SYT16: variants seen among roughly 807,000 people sequenced by gnomAD.
SYT16 encodes synaptotagmin 16, also known as synaptotagmin-16.
In SYT16, 42 loss-of-function variants were observed where a neutral mutation model predicts 61.4. The ratio of observed to expected loss-of-function variants is 0.68; its 90% CI spans 0.53 to 0.89. The LOEUF is 0.89. Among genes scored for constraint, SYT16 ranks in the 40% least tolerant of loss-of-function variants. SYT16 has a pLI of 0.00. For synonymous variants in SYT16, 314 were observed against 302.3 expected, an observed-to-expected ratio of 1.04 and a Z score of -0.40; for missense variants, 804 against 807.3, an observed-to-expected ratio of 1.00 and a Z score of 0.05.
chr14:61,944,676 G>T (rs2050348343), intron 1 of SYT16, among the ~76,000 whole-genome samples: 1 of 152,130 alleles, frequency 6.6e-6, no homozygotes, highest in Non-Finnish European at 1.5e-5. Flanking sequence ...GGGAAAACTG[G>T]GTAGCCATAT....
chr14:61,817,013 ACACACACACAC>A (rs2045459453), intron 1 of SYT16, among the ~76,000 whole-genome samples: 19 of 144,832 alleles, frequency 1.3e-4, no homozygotes, highest in African/African-American at 1.3e-4. Context: ...TCCGTCACAC[ACACACACACAC>A]ACACAAAAAA....
intron 3 of SYT16, among the ~76,000 whole-genome samples, chr14:62,043,208 C>T (rs992195571): frequency 1.3e-5 from 2 of 151,126 alleles, no homozygotes; most frequent in Non-Finnish European, 2.9e-5. Flanking sequence ...ACTTCTAAGA[C>T]CTCCAGTACC....
chr14:62,087,321 G>C (rs1470059190), intron 7 of SYT16, among the ~76,000 whole-genome samples: 2 of 151,272 alleles, frequency 1.3e-5, no homozygotes, highest in African/African-American at 4.9e-5. Context: ...CGCTCCCCAC[G>C]GCAGAGGGAG....
rs1276791638 is a variant in SYT16 at position 61,854,568 on chromosome 14, C to T, written c.-325+41758C>T. 2.0e-5 allele frequency among the ~76,000 whole-genome samples: 3 copies of T among 152,208 alleles called. No individual in the cohort carries two copies. The East Asian group carries it at 5.8e-4, about 29-fold the overall frequency. On this transcript the variant is annotated intron_variant, in intron 1 of 7. Coordinates refer to ENST00000683842, the MANE Select transcript of SYT16 (RefSeq NM_001367656.1). ...ATGTTCAATGTTTATAATGTCACTG[C>T]TCTGGTTTGCCAACCCAGAAAGTCA...
chr14:61,993,033 G>C (rs142730822), intron 2 of SYT16, among the ~76,000 whole-genome samples: 1 of 150,572 alleles, frequency 6.6e-6, no homozygotes, highest in Non-Finnish European at 1.5e-5. Context: ...TTTCATTTTC[G>C]TTTTGATGAA....
At chr14:61,959,906 C>T (rs1463231566) in intron 1 of SYT16, among the ~76,000 whole-genome samples, 2 of 152,058 alleles carry the variant, frequency 1.3e-5, no homozygotes, top group Admixed American at 1.3e-4. Context: ...CATGGGTTCA[C>T]TGCAGCCTTG....
chr14:62,044,119 G>C (rs917474542), intron 3 of SYT16, among the ~76,000 whole-genome samples: 1 of 151,598 alleles, frequency 6.6e-6, no homozygotes, highest in Admixed American at 6.6e-5. Flanking sequence ...AGGATCATTT[G>C]AGCCCAGAAG....
chr14:62,019,370 G>A (rs1383105486), intron 3 of SYT16, among the ~76,000 whole-genome samples: 3 of 152,092 alleles, frequency 2.0e-5, no homozygotes, highest in Non-Finnish European at 2.9e-5. Context: ...CACAGTGAGC[G>A]TGTGTGTGAA....
chr14:61,833,437 C>T (rs1313321694), intron 1 of SYT16, among the ~76,000 whole-genome samples: 1 of 151,910 alleles, frequency 6.6e-6, no homozygotes, highest in Non-Finnish European at 1.5e-5. Flanking sequence ...GGATTACAGG[C>T]ATGGGCCACC....
rs542366472 is a variant in SYT16, at chr14:62,020,308, A to C, written c.523+23766A>C. Among the ~76,000 whole-genome samples the C allele has an allele frequency of 3.3e-5, 5 of 152,270 alleles. No individual in the cohort carries two copies. In the South Asian group the frequency reaches 1.0e-3, roughly 32 times the overall value. ...TTAACATGCCACCTCACTCAAGTTT[A>C]CTACTGTGTGTGTATATATCTTGTA... On this transcript the variant is annotated intron_variant, in intron 3 of 7. Transcript: ENST00000683842.
intron 1 of SYT16, among the ~76,000 whole-genome samples, chr14:61,938,161 T>C (rs1022163051): frequency 1.3e-5 from 2 of 151,866 alleles, no homozygotes; most frequent in Admixed American, 1.3e-4. Flanking sequence ...TTTTAAGAAA[T>C]GAGATACGCA....
At chr14:62,063,483 C>T (rs1010606324) in intron 3 of SYT16, among the ~76,000 whole-genome samples, 2 of 152,150 alleles carry the variant, frequency 1.3e-5, no homozygotes, top group Admixed American at 1.3e-4. Context: ...AATGAGGACA[C>T]TGAAGTTTAG....
chr14:62,079,421 C>A (rs1233460608), intron 5 of SYT16: 8 of 1,002,834 alleles, frequency 8.0e-6, no homozygotes, highest in South Asian at 6.1e-5. Context: ...AACATCCCTA[C>A]ACAGAAGGTA....
intron 1 of SYT16, among the ~76,000 whole-genome samples, chr14:61,945,603 C>A (rs1433720298): frequency 6.6e-6 from 1 of 152,040 alleles, no homozygotes; most frequent in Non-Finnish European, 1.5e-5. Flanking sequence ...CGCCTGTAAT[C>A]CCAGCACTTT....
chr14:61,854,267 G>A (rs1024187690), intron 1 of SYT16, among the ~76,000 whole-genome samples: 1 of 152,150 alleles, frequency 6.6e-6, no homozygotes, highest in Non-Finnish European at 1.5e-5. Flanking sequence ...TATATATCTA[G>A]TGATTATCTT....
At chr14:61,823,455 G>T (rs919255077) in intron 1 of SYT16, among the ~76,000 whole-genome samples, 23 of 151,834 alleles carry the variant, frequency 1.5e-4, no homozygotes, top group African/African-American at 5.3e-4. Context: ...GAGGCTGGAT[G>T]TGGTGGCTAA....
intron 1 of SYT16, among the ~76,000 whole-genome samples, chr14:61,816,341 C>T (rs999530204): frequency 1.3e-5 from 2 of 152,178 alleles, no homozygotes; most frequent in African/African-American, 4.8e-5. Context: ...AACAAGTCCA[C>T]GTTAGAAACT....
rs1432646292 is a variant in SYT16 at position 62,077,391 on chromosome 14, C to T, written c.993+2000C>T. 7.2e-5 allele frequency among the ~76,000 whole-genome samples: 11 copies of T among 152,316 alleles called. No individual in the cohort carries two copies. In the East Asian group the frequency reaches 1.3e-3, roughly 19 times the overall value. On this transcript the variant is annotated intron_variant, in intron 5 of 7. Coordinates refer to ENST00000683842, the MANE Select transcript of SYT16 (RefSeq NM_001367656.1). ...ACTACCTGTTAGGCTGATGGATTTT[C>T]GAGCTCTGCTCTTCTCTGCTGGCGA...
intron 1 of SYT16, among the ~76,000 whole-genome samples, chr14:61,947,226 G>A (rs2050474809): frequency 6.7e-6 from 1 of 148,940 alleles, no homozygotes; most frequent in South Asian, 2.1e-4. Flanking sequence ...AATATTGCTG[G>A]GTATTTTCGG....
Sources: gnomAD v4.1 joint callset for allele counts (sites outside exome capture counted in the v4.1 genomes callset) on GRCh38, gnomAD v4.1.1 for gene constraint, MANE v1.5 for transcripts, NCBI Gene and HGNC (gene_info 2026-07-23, HGNC 2026-07-21) for gene names.